Variants in KIF6 observed in about 807,000 individuals in gnomAD.
KIF6 encodes the protein kinesin-like protein KIF6.
Under a neutral mutation model 112.7 loss-of-function variants are expected in KIF6, and 106 were observed. That is an observed-to-expected ratio of 0.94 (90% confidence interval 0.80 to 1.11). KIF6 has a LOEUF of 1.11. Among genes scored for constraint, KIF6 ranks in the 50% least tolerant of loss-of-function variants. KIF6 has a pLI of 0.00. For synonymous variants in KIF6, 339 were observed against 339.9 expected (o/e 1.00, Z 0.03); for missense variants, 929 against 964.0 (o/e 0.96, Z 0.48).
intron 15 of KIF6, 82 bp from the exon 16 acceptor site, chr6:39,385,754 C>CAAAA: frequency 1.0e-5 from 4 of 394,902 alleles, no homozygotes; most frequent in African/African-American, 9.0e-5. Context: ...TGGCAAGCTA[C>CAAAA]AGAAAAAAAA....
At chr6:39,697,541 CTT>C (rs35838361) in intron 3 of KIF6, among the ~76,000 whole-genome samples, 1,869 of 131,410 alleles carry the variant, frequency 0.014, 17 homozygotes, top group Non-Finnish European at 0.014. Context: ...TTTATCCTTT[CTT>C]TTTTTTTTTT....
intron 3 of KIF6, among the ~76,000 whole-genome samples, chr6:39,698,792 C>A (rs1561940060): frequency 6.6e-6 from 1 of 152,158 alleles, no homozygotes; most frequent in Non-Finnish European, 1.5e-5. Context: ...TTTTATGGCT[C>A]TAAATATGCT....
chr6:39,703,660 C>T (rs938953566), intron 3 of KIF6, among the ~76,000 whole-genome samples: 1 of 152,210 alleles, frequency 6.6e-6, no homozygotes, highest in Admixed American at 6.5e-5. Context: ...ATGATAGAAA[C>T]TCTGCTAAAA....
chr6:39,345,649 C>G, intron 21 of KIF6, 51 bp downstream of exon 21: 1 of 1,485,790 alleles, frequency 6.7e-7, no homozygotes. Context: ...TGGAGGCCCA[C>G]TCCGCCCACT....
chr6:39,355,955 G>A (rs1338265496), intron 19 of KIF6, among the ~76,000 whole-genome samples: 1 of 151,482 alleles, frequency 6.6e-6, no homozygotes, highest in Non-Finnish European at 1.5e-5. Flanking sequence ...TTAACTAAAG[G>A]CCATACTTTA....
At chr6:39,519,562 C>T (rs1777263311) in intron 13 of KIF6, among the ~76,000 whole-genome samples, 1 of 152,138 alleles carries the variant, frequency 6.6e-6, no homozygotes, top group Non-Finnish European at 1.5e-5. Flanking sequence ...CATACTATAA[C>T]AGCCCTGTCT....
At chr6:39,529,830 A>G (rs143503175) in intron 13 of KIF6, among the ~76,000 whole-genome samples, 9 of 152,210 alleles carry the variant, frequency 5.9e-5, no homozygotes, top group Non-Finnish European at 1.2e-4. Context: ...TTAAGAAGAC[A>G]TATAAATGTT....
intron 7 of KIF6, among the ~76,000 whole-genome samples, chr6:39,587,463 C>T (rs562027642): frequency 6.6e-6 from 1 of 152,312 alleles, no homozygotes; most frequent in Non-Finnish European, 1.5e-5. Context: ...CCACTAGTCT[C>T]ATTCTAAATT....
At chr6:39,628,245 C>T (rs796109909) in intron 5 of KIF6, among the ~76,000 whole-genome samples, 126 of 149,138 alleles carry the variant, frequency 8.4e-4, no homozygotes, top group African/African-American at 2.8e-3. Flanking sequence ...TACTCATTTA[C>T]GTGTGTGTGT....
intron 3 of KIF6, among the ~76,000 whole-genome samples, chr6:39,687,207 A>C (rs1342767971): frequency 6.6e-6 from 1 of 152,158 alleles, no homozygotes; most frequent in African/African-American, 2.4e-5. Context: ...TGGTGAAAGT[A>C]GGGGGCAGGG....
At chr6:39,391,791 C>T (rs964363570) in intron 15 of KIF6, among the ~76,000 whole-genome samples, 1 of 152,140 alleles carries the variant, frequency 6.6e-6, no homozygotes, top group African/African-American at 2.4e-5. Context: ...CAGATGAAGA[C>T]ATTTGTTGAT....
At position 39,412,503 on chromosome 6, in the gene KIF6, A is replaced by G. The variant is rs144591715; in HGVS notation, c.1810+7445T>C. The stretch of plus-strand genomic sequence containing the variant: ...TACATTTTCAATACAATTGCAAATT[A>G]TTTCTTCCTTTTTGGAGTCTCTTTA... On this transcript the variant is annotated intron_variant, in intron 15 of 22. Coordinates refer to ENST00000287152, the MANE Select transcript of KIF6 (RefSeq NM_145027.6). 2.3e-3 allele frequency among the ~76,000 whole-genome samples: 351 copies of G among 152,296 alleles called. 2 individuals carry two copies. Among genetic ancestry groups the G allele is most frequent in the African/African-American group, 7.9e-3 (329 of 41,564 alleles).
At chr6:39,345,621 CG>C (rs1486356910) in intron 21 of KIF6, 78 bp downstream of exon 21, 2 of 1,203,806 alleles carry the variant, frequency 1.7e-6, no homozygotes, top group Non-Finnish European at 2.4e-6. Flanking sequence ...GGGGCTTTTT[CG>C]GGGAGTAGAC....
intron 13 of KIF6, among the ~76,000 whole-genome samples, chr6:39,510,903 G>T (rs1323154270): frequency 4.9e-5 from 7 of 142,830 alleles, no homozygotes; most frequent in African/African-American, 1.3e-4. Flanking sequence ...AAAAAGCAAG[G>T]GTTGCAATCC....
chr6:39,364,168 T>C (rs1397208829), intron 16 of KIF6, among the ~76,000 whole-genome samples: 1 of 151,932 alleles, frequency 6.6e-6, no homozygotes, highest in African/African-American at 2.4e-5. Flanking sequence ...CTCCACTGAC[T>C]GCAACCTCTG....
intron 6 of KIF6, among the ~76,000 whole-genome samples, chr6:39,600,973 A>T (rs922270947): frequency 1.6e-4 from 24 of 152,112 alleles, no homozygotes; most frequent in African/African-American, 5.5e-4. Flanking sequence ...TTAAATACCA[A>T]CTGAATTACT....
intron 3 of KIF6, among the ~76,000 whole-genome samples, chr6:39,705,738 G>T (rs1789169382): frequency 1.3e-5 from 2 of 152,088 alleles, no homozygotes; most frequent in Non-Finnish European, 2.9e-5. Flanking sequence ...TTGCCCCTTG[G>T]GTGGGACAAC....
intron 13 of KIF6, among the ~76,000 whole-genome samples, chr6:39,539,223 T>C (rs1275903736): frequency 1.3e-5 from 2 of 150,402 alleles, no homozygotes; most frequent in Non-Finnish European, 3.0e-5. Context: ...ATAATAATAA[T>C]AAAATAAAAT....
chr6:39,432,177 C>G (rs948881562), intron 13 of KIF6, among the ~76,000 whole-genome samples: 8 of 152,296 alleles, frequency 5.3e-5, no homozygotes, highest in Admixed American at 5.2e-4. Context: ...GTAAGTTTCT[C>G]AGGGGGTAGA....
Sources: gnomAD v4.1 joint callset for allele counts (sites outside exome capture counted in the v4.1 genomes callset) on GRCh38, gnomAD v4.1.1 for gene constraint, MANE v1.5 for transcripts, NCBI Gene and HGNC (gene_info 2026-07-23, HGNC 2026-07-21) for gene names.